Variants in SV2C observed in about 807,000 individuals in gnomAD.
SV2C encodes synaptic vesicle glycoprotein 2C, also known as solute carrier family 22 member B3.
SV2C carries 49 observed loss-of-function variants against 79.7 expected under a neutral mutation model. The ratio of observed to expected loss-of-function variants is 0.61; its 90% CI spans 0.49 to 0.78. The LOEUF (loss-of-function observed/expected upper bound fraction) is 0.78, where lower values mean the gene tolerates loss of function less well. SV2C is among the 30% of genes least tolerant of loss of function. The pLI, the probability that SV2C is intolerant of heterozygous loss-of-function variation, is 0.00. For missense variants in SV2C, 833 were observed against 912.9 expected (o/e 0.91, Z 1.13); for synonymous variants, 334 against 333.2 (o/e 1.00, Z -0.03).
the SV2C span, among the ~76,000 whole-genome samples, chr5:76,038,070 G>T: frequency 6.6e-6 from 1 of 152,250 alleles, no homozygotes. Context: ...TTGCACTTCC[G>T]GAGTGAGGCA....
the SV2C span, among the ~76,000 whole-genome samples, chr5:76,056,568 G>A: frequency 1.4e-5 from 2 of 145,196 alleles, no homozygotes; most frequent in African/African-American, 2.6e-5. Context: ...ATGGCACCAT[G>A]TTCTCTTTGT....
the SV2C span, among the ~76,000 whole-genome samples, chr5:75,858,694 A>G: frequency 6.6e-6 from 1 of 152,142 alleles, no homozygotes; most frequent in Non-Finnish European, 1.5e-5. Context: ...TCTTCTTTAA[A>G]TGTTTGGTAG....
the SV2C span, among the ~76,000 whole-genome samples, chr5:76,049,151 C>CGG: frequency 6.6e-6 from 1 of 151,716 alleles, no homozygotes; most frequent in Non-Finnish European, 1.5e-5. Flanking sequence ...TCCTGGCTAA[C>CGG]ATGATGAAAC....
At chr5:75,901,152 A>T in the SV2C span, among the ~76,000 whole-genome samples, 2 of 152,128 alleles carry the variant, frequency 1.3e-5, no homozygotes, top group African/African-American at 4.8e-5. Flanking sequence ...TTGGAAGAGG[A>T]GAGTCGCTCT....
At chr5:75,968,593 G>C in the SV2C span, among the ~76,000 whole-genome samples, 1 of 152,158 alleles carries the variant, frequency 6.6e-6, no homozygotes, top group African/African-American at 2.4e-5. Context: ...AAGATGAAAT[G>C]AATGAAATGA....
At chr5:76,217,610 A>T (rs190647106) in intron 4 of SV2C, among the ~76,000 whole-genome samples, 3 of 152,340 alleles carry the variant, frequency 2.0e-5, no homozygotes, top group Admixed American at 1.3e-4. Flanking sequence ...CAAAAATGGT[A>T]GCTCTTGTTG....
At position 76,105,644 on chromosome 5, in the gene SV2C, C is replaced by T. The variant is rs752700884; in HGVS notation, c.-102+22132C>T. 2.0e-5 allele frequency among the ~76,000 whole-genome samples: 3 copies of T among 152,186 alleles called. No individual in the cohort carries two copies. The East Asian group carries it at 5.8e-4, about 29-fold the overall frequency. ...GATATTTTACAGTTCTCTTTTTGCC[C>T]TTTTTGTGACCTTGCTAACAACTTC... On this transcript the variant is annotated intron_variant, in intron 1 of 12. Coordinates refer to ENST00000502798, the MANE Select transcript of SV2C (RefSeq NM_014979.4).
rs1027758485 is a variant in SV2C at position 76,333,884 on chromosome 5, G to C, written c.*8337G>C. The C allele has an allele frequency of 1.3e-5, 2 of 151,838 alleles. No homozygotes were observed. The highest frequency in any genetic ancestry group is 6.6e-5 in the Admixed American group (1 of 15,232). 9.4% of individuals were successfully genotyped at this position (151,838 alleles called of 1,614,324 possible). The stretch of plus-strand genomic sequence containing the variant: ...CCAGATAACTAACATTCATGTAACA[G>C]CTGCAAAGATATTTAGTGTATATCA... On this transcript the variant is annotated 3_prime_UTR_variant, in exon 13 of 13. Coordinates refer to ENST00000502798, the MANE Select transcript of SV2C (RefSeq NM_014979.4).
chr5:76,042,471 T>C, the SV2C span, among the ~76,000 whole-genome samples: 1 of 152,230 alleles, frequency 6.6e-6, no homozygotes, highest in African/African-American at 2.4e-5. Context: ...AGGCCCTTCC[T>C]TCAAAACTAT....
the SV2C span, among the ~76,000 whole-genome samples, chr5:75,916,830 G>GGAAT: frequency 1.3e-5 from 2 of 152,120 alleles, no homozygotes; most frequent in African/African-American, 4.8e-5. Context: ...TTCTGGCCAG[G>GGAAT]GAATGGGCTG....
At chr5:76,190,372 A>T (rs1019959345) in intron 2 of SV2C, among the ~76,000 whole-genome samples, 11 of 152,192 alleles carry the variant, frequency 7.2e-5, no homozygotes, top group African/African-American at 2.7e-4. Context: ...CTACCGCCAT[A>T]TCACCCTGAA....
chr5:76,114,392 AGAAAG>A (rs1474570163), intron 1 of SV2C, among the ~76,000 whole-genome samples: 1 of 152,220 alleles, frequency 6.6e-6, no homozygotes, highest in Non-Finnish European at 1.5e-5. Context: ...AACACAAAGT[AGAAAG>A]AGAAACTACA....
intron 4 of SV2C, among the ~76,000 whole-genome samples, chr5:76,265,800 G>A (rs557178953): frequency 1.3e-5 from 2 of 152,190 alleles, no homozygotes; most frequent in Non-Finnish European, 2.9e-5. Flanking sequence ...TCTGTGGGCT[G>A]CACCCACTGC....
At chr5:76,242,920 G>A (rs764004805) in intron 4 of SV2C, among the ~76,000 whole-genome samples, 11 of 150,208 alleles carry the variant, frequency 7.3e-5, no homozygotes, top group Non-Finnish European at 1.0e-4. Flanking sequence ...AGGCTGAGGC[G>A]GGAGGATCCC....
At chr5:76,089,960 C>A (rs1032283401) in intron 1 of SV2C, among the ~76,000 whole-genome samples, 4 of 152,316 alleles carry the variant, frequency 2.6e-5, no homozygotes, top group African/African-American at 7.2e-5. Context: ...TAAAAGGTAT[C>A]TTTTCTTTTG....
At chr5:76,048,834 G>T in the SV2C span, among the ~76,000 whole-genome samples, 1 of 138,084 alleles carries the variant, frequency 7.2e-6, no homozygotes, top group East Asian at 2.2e-4. Flanking sequence ...AAATTTTGGG[G>T]CTGTTTAGGT....
chr5:75,938,989 G>C, the SV2C span, among the ~76,000 whole-genome samples: 7 of 152,020 alleles, frequency 4.6e-5, no homozygotes, highest in Admixed American at 6.6e-5. Context: ...GAGAGGCAGG[G>C]GAATGTCTTG....
At chr5:75,929,158 C>T in the SV2C span, among the ~76,000 whole-genome samples, 1 of 152,076 alleles carries the variant, frequency 6.6e-6, no homozygotes. Flanking sequence ...ACCCAACCTA[C>T]TAGTCAGCTC....
chr5:75,960,256 G>T, the SV2C span, among the ~76,000 whole-genome samples: 1 of 151,922 alleles, frequency 6.6e-6, no homozygotes, highest in Non-Finnish European at 1.5e-5. Flanking sequence ...GTTAACACAA[G>T]TGCCTGACAC....
Sources: gnomAD v4.1 joint callset for allele counts (sites outside exome capture counted in the v4.1 genomes callset) on GRCh38, gnomAD v4.1.1 for gene constraint, MANE v1.5 for transcripts, NCBI Gene and HGNC (gene_info 2026-07-23, HGNC 2026-07-21) for gene names.